Variants in BRINP2 observed in about 807,000 individuals in gnomAD.
BRINP2 encodes the protein BMP/retinoic acid inducible neural specific 2, also known as BMP/retinoic acid-inducible neural-specific protein 2.
BRINP2 carries 21 observed loss-of-function variants against 69.2 expected under a neutral mutation model. The observed-to-expected ratio is 0.30, with a 90% CI of 0.22 to 0.44. BRINP2 has a LOEUF of 0.44. BRINP2 is among the 20% of genes least tolerant of loss of function. BRINP2 has a pLI of 1.00. For synonymous variants in BRINP2, 380 were observed against 394.1 expected, an observed-to-expected ratio of 0.96 and a Z score of 0.42; for missense variants, 877 against 986.0, an observed-to-expected ratio of 0.89 and a Z score of 1.48.
At chr1:177,228,011 C>T (rs1363543284) in intron 1 of BRINP2, among the ~76,000 whole-genome samples, 1 of 152,202 alleles carries the variant, frequency 6.6e-6, no homozygotes, top group African/African-American at 2.4e-5. Flanking sequence ...GTTCCTTAGG[C>T]TGTACTACAT....
At chr1:177,209,443 G>C (rs1354043256) in intron 1 of BRINP2, among the ~76,000 whole-genome samples, 1 of 152,168 alleles carries the variant, frequency 6.6e-6, no homozygotes, top group Non-Finnish European at 1.5e-5. Context: ...CCAGTTCCAA[G>C]ATCTGCCTGG....
chr1:177,184,374 G>A (rs1432901809), intron 1 of BRINP2, among the ~76,000 whole-genome samples: 1 of 151,636 alleles, frequency 6.6e-6, no homozygotes, highest in Non-Finnish European at 1.5e-5. Flanking sequence ...CTACTACATG[G>A]TTCTCCCCAA....
chr1:177,252,379 T>G (rs976922928), intron 2 of BRINP2, among the ~76,000 whole-genome samples: 2 of 152,174 alleles, frequency 1.3e-5, no homozygotes, highest in Non-Finnish European at 2.9e-5. Flanking sequence ...ATGGTGGGAT[T>G]TATGCCTCAA....
At chr1:177,221,344 G>A (rs1440087878) in intron 1 of BRINP2, among the ~76,000 whole-genome samples, 1 of 152,144 alleles carries the variant, frequency 6.6e-6, no homozygotes, top group Non-Finnish European at 1.5e-5. Flanking sequence ...TGGGACTCAT[G>A]GGTTTTGAAT....
chr1:177,254,112 C>T (rs1325503357), intron 2 of BRINP2, among the ~76,000 whole-genome samples: 2 of 152,080 alleles, frequency 1.3e-5, no homozygotes, highest in Non-Finnish European at 2.9e-5. Context: ...CTTTAAAATG[C>T]AAACATTCCA....
chr1:177,182,931 G>C (rs1558150794), intron 1 of BRINP2, among the ~76,000 whole-genome samples: 1 of 151,626 alleles, frequency 6.6e-6, no homozygotes, highest in Non-Finnish European at 1.5e-5. Context: ...TTAAACTTAG[G>C]GGTTTTGTTG....
At chr1:177,222,297 C>A (rs1199937314) in intron 1 of BRINP2, among the ~76,000 whole-genome samples, 1 of 152,098 alleles carries the variant, frequency 6.6e-6, no homozygotes, top group Non-Finnish European at 1.5e-5. Flanking sequence ...TCACCATGGG[C>A]CAGACACCTT....
chr1:177,273,378 G>A, intron 4 of BRINP2, 110 bp from the exon 5 acceptor site: 1 of 640,596 alleles, frequency 1.6e-6, no homozygotes, highest in Non-Finnish European at 2.7e-6. Flanking sequence ...CACTTCTACA[G>A]CTGGTCAAGG....
chr1:177,224,740 G>A (rs1478540630), intron 1 of BRINP2, among the ~76,000 whole-genome samples: 1 of 152,098 alleles, frequency 6.6e-6, no homozygotes, highest in East Asian at 1.9e-4. Flanking sequence ...ATTCTCATCT[G>A]TTAAAAAGAG....
chr1:177,234,953 C>T (rs1341808310), intron 2 of BRINP2, among the ~76,000 whole-genome samples: 2 of 152,108 alleles, frequency 1.3e-5, no homozygotes, highest in South Asian at 2.1e-4. Context: ...AAACAAGGCA[C>T]CAGAGCAACA....
At chr1:177,208,759 T>C (rs1649133975) in intron 1 of BRINP2, among the ~76,000 whole-genome samples, 2 of 152,198 alleles carry the variant, frequency 1.3e-5, no homozygotes, top group Admixed American at 1.3e-4. Context: ...CACTGACGTG[T>C]TTGGGTCCCA....
chr1:177,215,660 T>G (rs1337108602), intron 1 of BRINP2, among the ~76,000 whole-genome samples: 1 of 152,182 alleles, frequency 6.6e-6, no homozygotes, highest in African/African-American at 2.4e-5. Context: ...CTTTTTCTTT[T>G]TTTAAAATGT....
At chr1:177,177,321 C>CAAA (rs931502837) in intron 1 of BRINP2, among the ~76,000 whole-genome samples, 3 of 151,626 alleles carry the variant, frequency 2.0e-5, no homozygotes, top group African/African-American at 7.2e-5. Context: ...ACAACAACAA[C>CAAA]AAAATTTGTG....
At chr1:177,248,425 G>A (rs1367448702) in intron 2 of BRINP2, among the ~76,000 whole-genome samples, 6 of 151,816 alleles carry the variant, frequency 4.0e-5, no homozygotes, top group African/African-American at 1.5e-4. Flanking sequence ...CAGCTTCACT[G>A]AGGTACAGTT....
intron 4 of BRINP2, among the ~76,000 whole-genome samples, chr1:177,272,458 C>T (rs527262444): frequency 6.6e-6 from 1 of 152,306 alleles, no homozygotes; most frequent in East Asian, 1.9e-4. Context: ...TAATTGCTGT[C>T]GACAACATGG....
In BRINP2 at chr1:177,281,548, C is replaced by A. The variant is rs761454693; in HGVS notation, c.*20C>A. On this transcript the variant is annotated 3_prime_UTR_variant, in exon 8 of 8. Coordinates refer to ENST00000361539, the MANE Select transcript of BRINP2 (RefSeq NM_021165.4). ...AGCTAATGGGCGGCCCACTTCAGCA[C>A]TGGGCAAGGAGGGGATCCATGAATC... 6.4e-7 allele frequency: 1 copy of A among 1,573,206 alleles called. No individual in the cohort carries two copies.
chr1:177,281,560 G>A lies in BRINP2; in HGVS notation c.*32G>A, dbSNP rs905050195. The A allele has an allele frequency of 6.4e-6, 10 of 1,550,526 alleles. No individual in the cohort carries two copies. The highest frequency in any genetic ancestry group is 1.9e-5 in the Admixed American group (1 of 52,870). On this transcript the variant is annotated 3_prime_UTR_variant, in exon 8 of 8. Transcript: ENST00000361539. Reference sequence around the variant, plus strand: ...GCCCACTTCAGCACTGGGCAAGGAGGGGATCCATGAATCTGGGGTACAAAG... The same window carrying A: ...GCCCACTTCAGCACTGGGCAAGGAGAGGATCCATGAATCTGGGGTACAAAG...
chr1:177,186,975 A>C lies in BRINP2; in HGVS notation c.-77+15243A>C, dbSNP rs145585895. Among the ~76,000 whole-genome samples the C allele has an allele frequency of 2.3e-4, 35 of 152,296 alleles. No individual in the cohort carries two copies. The East Asian group carries it at 6.6e-3, about 29-fold the overall frequency. On this transcript the variant is annotated intron_variant, in intron 1 of 7. Coordinates refer to ENST00000361539, the MANE Select transcript of BRINP2 (RefSeq NM_021165.4). ...TGAGGTTACACAAGTGGGAGAGGCA[A>C]AGTCCAAACCTAAGTCAGATCTGTC...
Position 177,220,977 on chromosome 1 carries a change from G to A in BRINP2, c.-76-8824G>A, listed in dbSNP as rs563651314. Among the ~76,000 whole-genome samples, 13 of 152,336 alleles carry A rather than the reference G, an allele frequency of 8.5e-5. No individual in the cohort carries two copies. In the South Asian group the frequency reaches 2.5e-3, roughly 29 times the overall value. On this transcript the variant is annotated intron_variant, in intron 1 of 7. Transcript: ENST00000361539. ...GCTTATCTAAGCTGGAAAAGTGATT[G>A]TAGGTGAATCCTGCTTGTGTACTTT...
Sources: gnomAD v4.1 joint callset for allele counts (sites outside exome capture counted in the v4.1 genomes callset) on GRCh38, gnomAD v4.1.1 for gene constraint, MANE v1.5 for transcripts, NCBI Gene and HGNC (gene_info 2026-07-23, HGNC 2026-07-21) for gene names.